Variants in TPM3 observed in about 807,000 individuals in gnomAD.
TPM3 encodes the protein tropomyosin 3.
In TPM3, 16 loss-of-function variants were observed where a neutral mutation model predicts 43.1. The ratio of observed to expected loss-of-function variants is 0.37; its 90% CI spans 0.25 to 0.56. The LOEUF is 0.56. TPM3 is among the 20% of genes least tolerant of loss of function. TPM3 has a pLI of 0.77. For synonymous variants in TPM3, 101 were observed against 116.9 expected (o/e 0.86, Z 0.88); for missense variants, 176 against 337.2 (o/e 0.52, Z 3.74).
At chr1:154,173,234 C>T (rs1661804622) in intron 3 of TPM3, 33 bp from the exon 4 acceptor site, 5 of 1,582,290 alleles carry the variant, frequency 3.2e-6, no homozygotes, top group African/African-American at 1.3e-5. Flanking sequence ...AATACTGACA[C>T]CCTGAGGAGT....
rs1451488506 is a variant in TPM3, at chr1:154,191,179, TACTC to T, written c.243+3_243+6del. 3.7e-6 allele frequency: 6 copies of T among 1,613,350 alleles called. No homozygotes were observed. The highest frequency in any genetic ancestry group is 4.2e-6 in the Non-Finnish European group (5 of 1,179,768). On this transcript the variant is annotated splice_donor_5th_base_variant and intron_variant, in intron 2 of 9. Transcript: ENST00000651641. ...TTAAACCCATCCTCCATCTCTCTAA[TACTC>T]ACATCAGCAGCCTTCTTCTCTGCCA...
At chr1:154,187,532 A>G (rs1224284586) in intron 2 of TPM3, 1 of 984,008 alleles carries the variant, frequency 1.0e-6, no homozygotes, top group Admixed American at 6.2e-5. Context: ...GTAAATATGA[A>G]GAAACTTCTT....
intron 2 of TPM3, among the ~76,000 whole-genome samples, chr1:154,189,156 AAAAAAAAAAAAAAAAAAAAAAAAAAG>A (rs1663558489): frequency 1.1e-5 from 1 of 90,438 alleles, no homozygotes; most frequent in African/African-American, 5.9e-5. Flanking sequence ...AAAAAAAAAA[AAAAAAAAAAAAAAAAAAAAAAAAAAG>A]CCCAGGCGCA....
intron 2 of TPM3, among the ~76,000 whole-genome samples, chr1:154,179,413 G>A (rs1284965826): frequency 6.6e-6 from 1 of 152,148 alleles, no homozygotes; most frequent in Non-Finnish European, 1.5e-5. Context: ...CCAGGCCCAC[G>A]AATAGAAGAG....
chr1:154,168,332 G>A (rs1571388664), intron 9 of TPM3, among the ~76,000 whole-genome samples: 1 of 152,300 alleles, frequency 6.6e-6, no homozygotes, highest in Non-Finnish European at 1.5e-5. Context: ...TAATGTGTCA[G>A]GGCCCAAGTT....
rs1313224971 is a variant in TPM3, at chr1:154,166,638, C to A, written c.*1299G>T. On this transcript the variant is annotated 3_prime_UTR_variant, in exon 10 of 10. Coordinates refer to ENST00000651641, the MANE Select transcript of TPM3 (RefSeq NM_152263.4). ...CTTACGTGCTTGGATTAGTATAATT[C>A]ACAGCTATACTATTAAGAAATCTCT... 6.8e-6 allele frequency: 7 copies of A among 1,035,720 alleles called. No individual in the cohort carries two copies. Among genetic ancestry groups the A allele is most frequent in the Non-Finnish European group, 7.0e-6 (6 of 860,756 alleles). The allele number at this position is 1,035,720 out of a possible 1,614,324, so 64.2% of individuals were successfully genotyped here.
chr1:154,176,653 G>GAA (rs57237877), intron 2 of TPM3, among the ~76,000 whole-genome samples: 1 of 129,034 alleles, frequency 7.7e-6, no homozygotes, highest in Non-Finnish European at 1.7e-5. Flanking sequence ...CATAAAGCAG[G>GAA]AAAAAAAAAA....
chr1:154,168,093 T>C (rs565061265), intron 9 of TPM3, among the ~76,000 whole-genome samples, 153 bp from the exon 10 acceptor site: 2 of 152,296 alleles, frequency 1.3e-5, no homozygotes, highest in South Asian at 4.1e-4. Flanking sequence ...TGGCTTCTTT[T>C]CAGGGTTAGT....
intron 2 of TPM3, among the ~76,000 whole-genome samples, chr1:154,182,652 G>T (rs775101500): frequency 2.0e-5 from 3 of 152,156 alleles, no homozygotes; most frequent in African/African-American, 7.2e-5. Context: ...ATGGGGAAGT[G>T]GGGGAGGGAG....
At position 154,165,789 on chromosome 1, in the gene TPM3, C is replaced by CAAAAAA. The variant is rs68185418; in HGVS notation, c.*2142_*2147dup. Among the ~76,000 whole-genome samples the CAAAAAA allele has an allele frequency of 1.1e-4, 9 of 82,260 alleles. No homozygotes were observed. Among genetic ancestry groups the CAAAAAA allele is most frequent in the African/African-American group, 3.4e-4 (8 of 23,284 alleles). 54.0% of individuals were successfully genotyped at this position (82,260 alleles called of 152,430 possible). ...AGGTGACAAGAGTCAAACTCCGTCT[C>CAAAAAA]AAAAAAAAAAAAAAAAAGAAAAAAA... On this transcript the variant is annotated 3_prime_UTR_variant, in exon 10 of 10. Coordinates refer to ENST00000651641, the MANE Select transcript of TPM3 (RefSeq NM_152263.4).
chr1:154,184,415 T>G (rs1456633667), intron 2 of TPM3, among the ~76,000 whole-genome samples: 1 of 152,128 alleles, frequency 6.6e-6, no homozygotes, highest in African/African-American at 2.4e-5. Context: ...AATCATCAGC[T>G]GGGCGTGGTA....
chr1:154,185,128 T>G (rs1663349007), intron 2 of TPM3, among the ~76,000 whole-genome samples: 1 of 152,086 alleles, frequency 6.6e-6, no homozygotes, highest in South Asian at 2.1e-4. Flanking sequence ...TCCCAGCACT[T>G]TGGGAGGCCA....
chr1:154,172,640 T>G, intron 5 of TPM3: 1 of 510,736 alleles, frequency 2.0e-6, no homozygotes, highest in Non-Finnish European at 3.6e-6. Flanking sequence ...TCCAATTAAC[T>G]GTTCACCATG....
chr1:154,165,821 A>G lies in TPM3; in HGVS notation c.*2116T>C, dbSNP rs886045307. ...AAAAAAAAAAAGAAAAAAAGAAAAA[A>G]GTTTTAACATGTTTATGAAGTACCC... is the stretch of plus-strand genomic sequence containing the variant. On this transcript the variant is annotated 3_prime_UTR_variant, in exon 10 of 10. Transcript: ENST00000651641. Among the ~76,000 whole-genome samples the G allele has an allele frequency of 6.6e-6, 1 of 151,878 alleles. No individual in the cohort carries two copies. The highest frequency in any genetic ancestry group is 6.6e-5 in the Admixed American group (1 of 15,224).
intron 2 of TPM3, among the ~76,000 whole-genome samples, chr1:154,185,637 A>G (rs1663382612): frequency 6.7e-6 from 1 of 148,494 alleles, no homozygotes; most frequent in Non-Finnish European, 1.5e-5. Flanking sequence ...TTGAACCCAG[A>G]AGGCAGAAGT....
At chr1:154,173,408 T>TA (rs1455399488) in intron 3 of TPM3, among the ~76,000 whole-genome samples, 1 of 152,252 alleles carries the variant, frequency 6.6e-6, no homozygotes, top group Non-Finnish European at 1.5e-5. Flanking sequence ...CTCACGCCTA[T>TA]AACCCCAGCA....
In TPM3 at chr1:154,166,595, A is replaced by C. The variant is rs1318084352; in HGVS notation, c.*1342T>G. 1 of 1,049,554 alleles carries C rather than the reference A, an allele frequency of 9.5e-7. No homozygotes were observed. Among genetic ancestry groups the C allele is most frequent in the African/African-American group, 1.7e-5 (1 of 60,308 alleles). The allele number at this position is 1,049,554 out of a possible 1,614,324, so 65.0% of individuals were successfully genotyped here. A position where few individuals can be genotyped will look rare whatever the true frequency, so the allele number is the denominator to read the frequency against. On this transcript the variant is annotated 3_prime_UTR_variant, in exon 10 of 10. Transcript: ENST00000651641. ...AATACATACCCTGCTGGGAAACTAA[A>C]GTACTAAGTGAACAACACTTACGTG...
rs1660551780 is a variant in TPM3, at chr1:154,163,076, T to C, written c.*4861A>G. ...CACCTGCCTCGGCTTCCCAAAGTGTTGGGATTACAGGCATGAGCCACCATG... is the reference window on the plus strand; with the variant it reads ...CACCTGCCTCGGCTTCCCAAAGTGTCGGGATTACAGGCATGAGCCACCATG... On this transcript the variant is annotated 3_prime_UTR_variant, in exon 10 of 10. Coordinates refer to ENST00000651641, the MANE Select transcript of TPM3 (RefSeq NM_152263.4). Among the ~76,000 whole-genome samples the C allele has an allele frequency of 6.6e-6, 1 of 152,218 alleles. No homozygotes were observed. Among genetic ancestry groups the C allele is most frequent in the African/African-American group, 2.4e-5 (1 of 41,456 alleles).
chr1:154,188,451 G>A (rs1449847641), intron 2 of TPM3, among the ~76,000 whole-genome samples: 3 of 151,574 alleles, frequency 2.0e-5, no homozygotes, highest in African/African-American at 4.9e-5. Flanking sequence ...CGTGGCGGGC[G>A]GATCACAAGG....
Sources: allele counts gnomAD v4.1 joint callset (sites outside exome capture counted in the v4.1 genomes callset), GRCh38; gene constraint gnomAD v4.1.1; transcripts MANE v1.5; gene names NCBI Gene and HGNC (gene_info 2026-07-23, HGNC 2026-07-21).